Variants in APPBP2 observed in about 807,000 individuals in gnomAD.
The protein encoded by APPBP2 is amyloid beta precursor protein binding protein 2, also known as amyloid protein-binding protein 2.
Under a neutral mutation model 76.0 loss-of-function variants are expected in APPBP2, and 15 were observed. The ratio of observed to expected loss-of-function variants is 0.20; its 90% CI spans 0.13 to 0.30. The LOEUF (loss-of-function observed/expected upper bound fraction) is 0.30, where lower values mean the gene tolerates loss of function less well. APPBP2 is among the 10% of genes least tolerant of loss of function. The pLI, the probability that APPBP2 is intolerant of heterozygous loss-of-function variation, is 1.00. For missense variants in APPBP2, 401 were observed against 687.2 expected, an observed-to-expected ratio of 0.58 and a Z score of 4.66; for synonymous variants, 222 against 242.2, an observed-to-expected ratio of 0.92 and a Z score of 0.77.
intron 4 of APPBP2, among the ~76,000 whole-genome samples, chr17:60,475,931 T>C (rs1201980782): frequency 6.6e-6 from 1 of 152,130 alleles, no homozygotes; most frequent in African/African-American, 2.4e-5. Flanking sequence ...ATGGACTGAT[T>C]AGCTCCAAAG....
intron 4 of APPBP2, among the ~76,000 whole-genome samples, chr17:60,469,051 G>A (rs1314578317): frequency 6.6e-6 from 1 of 152,104 alleles, no homozygotes; most frequent in Non-Finnish European, 1.5e-5. Context: ...TCTTGTAAGT[G>A]TCTTTTTCTT....
intron 4 of APPBP2, among the ~76,000 whole-genome samples, chr17:60,474,538 C>T (rs957984331): frequency 5.3e-5 from 8 of 152,116 alleles, no homozygotes; most frequent in African/African-American, 1.7e-4. Context: ...GACATCAGCA[C>T]TAACTGAAAT....
intron 1 of APPBP2, among the ~76,000 whole-genome samples, chr17:60,512,652 T>A (rs187569849): frequency 6.6e-6 from 1 of 150,932 alleles, no homozygotes; most frequent in East Asian, 2.0e-4. Context: ...CTGGCCAACA[T>A]AGTGAAACCC....
chr17:60,462,892 A>G (rs1301387923), intron 6 of APPBP2, among the ~76,000 whole-genome samples: 1 of 150,102 alleles, frequency 6.7e-6, no homozygotes, highest in Non-Finnish European at 1.5e-5. Flanking sequence ...CGGAGCCTGC[A>G]GTGACCCGAG....
At chr17:60,477,265 G>C (rs1567926871) in intron 4 of APPBP2, among the ~76,000 whole-genome samples, 1 of 152,028 alleles carries the variant, frequency 6.6e-6, no homozygotes, top group African/African-American at 2.4e-5. Flanking sequence ...AATTTATACA[G>C]GAACCTTAAA....
At chr17:60,468,091 T>A (rs1193922129) in intron 4 of APPBP2, among the ~76,000 whole-genome samples, 3 of 152,184 alleles carry the variant, frequency 2.0e-5, no homozygotes, top group Non-Finnish European at 4.4e-5. Flanking sequence ...CTCAATTTGG[T>A]AGCCACTAGC....
intron 1 of APPBP2, among the ~76,000 whole-genome samples, chr17:60,505,020 G>A (rs1280466396): frequency 2.0e-5 from 3 of 152,116 alleles, no homozygotes; most frequent in East Asian, 1.9e-4. Flanking sequence ...TTCCTGAAAC[G>A]TGTAATAAAA....
At chr17:60,525,463 G>C (rs1431641089) in intron 1 of APPBP2, among the ~76,000 whole-genome samples, 1 of 152,190 alleles carries the variant, frequency 6.6e-6, no homozygotes, top group Non-Finnish European at 1.5e-5. Context: ...ATATCCTGAA[G>C]ATACGGGCTA....
rs542068861 is a variant in APPBP2, at chr17:60,448,752, G to C, written c.1505-918C>G. ...TCTTTTGTGTATGATAGGGAAATAA[G>C]AAAATATTTATCTGTTCATTGTGCA... On this transcript the variant is annotated intron_variant, in intron 12 of 12. Transcript: ENST00000083182. Among the ~76,000 whole-genome samples the C allele has an allele frequency of 5.7e-4, 87 of 152,230 alleles. 1 individual carries two copies. The highest frequency in any genetic ancestry group is 2.0e-3 in the African/African-American group (85 of 41,544).
At chr17:60,472,697 A>G (rs1331170465) in intron 4 of APPBP2, among the ~76,000 whole-genome samples, 2 of 152,222 alleles carry the variant, frequency 1.3e-5, no homozygotes, top group Admixed American at 6.5e-5. Flanking sequence ...TAGCCAAAGA[A>G]ATGACTGGTA....
At chr17:60,482,322 C>T (rs2090636272) in intron 3 of APPBP2, among the ~76,000 whole-genome samples, 1 of 149,942 alleles carries the variant, frequency 6.7e-6, no homozygotes, top group South Asian at 2.1e-4. Context: ...TTTAATTTTC[C>T]CTTTGAATAG....
chr17:60,475,290 C>T (rs1480251554), intron 4 of APPBP2, among the ~76,000 whole-genome samples: 1 of 152,018 alleles, frequency 6.6e-6, no homozygotes, highest in East Asian at 1.9e-4. Context: ...CATAACATAA[C>T]ATGATAGTTT....
intron 9 of APPBP2, among the ~76,000 whole-genome samples, chr17:60,456,620 T>G (rs981300243): frequency 2.0e-5 from 3 of 152,154 alleles, no homozygotes; most frequent in African/African-American, 7.2e-5. Context: ...TACAAGATTC[T>G]ACATGATCTT....
intron 3 of APPBP2, among the ~76,000 whole-genome samples, chr17:60,491,059 G>C (rs537671479): frequency 2.6e-5 from 4 of 152,128 alleles, no homozygotes; most frequent in Admixed American, 6.6e-5. Flanking sequence ...CTGGGTAACA[G>C]GCAAAGTTTG....
In APPBP2 at chr17:60,526,204, T is replaced by C; in HGVS notation, c.-273A>G. 1 of 440,564 alleles carries C rather than the reference T, an allele frequency of 2.3e-6. No homozygotes were observed. Among genetic ancestry groups the C allele is most frequent in the Non-Finnish European group, 4.2e-6 (1 of 236,312 alleles). 27.3% of individuals were successfully genotyped at this position (440,564 alleles called of 1,614,324 possible). A position where few individuals can be genotyped will look rare whatever the true frequency, so the allele number is the denominator to read the frequency against. On this transcript the variant is annotated 5_prime_UTR_variant, in exon 1 of 13. Coordinates refer to ENST00000083182, the MANE Select transcript of APPBP2 (RefSeq NM_006380.5). ...CGGTTCGAGAGGAACCCGGGTTCCG[T>C]CCCAGCGCTGATCTCTGCAGGGGCG...
intron 1 of APPBP2, among the ~76,000 whole-genome samples, chr17:60,518,096 C>T (rs1294667937): frequency 1.4e-5 from 2 of 139,964 alleles, no homozygotes; most frequent in Non-Finnish European, 1.5e-5. Flanking sequence ...GAGACAGTCT[C>T]ATCCTGTCTG....
intron 4 of APPBP2, among the ~76,000 whole-genome samples, chr17:60,475,648 TACAC>T (rs72415327): frequency 0.022 from 2,864 of 129,206 alleles, 56 homozygotes; most frequent in African/African-American, 0.061. Flanking sequence ...CAACTCTTTA[TACAC>T]ACACACACAC....
chr17:60,501,510 C>T (rs1233003878), intron 1 of APPBP2, among the ~76,000 whole-genome samples: 2 of 152,092 alleles, frequency 1.3e-5, no homozygotes. Context: ...AATCCTCCCA[C>T]CTCAGCATCC....
chr17:60,496,368 G>A (rs2090775663), intron 2 of APPBP2: 1 of 152,138 alleles, frequency 6.6e-6, no homozygotes, highest in South Asian at 2.1e-4. Flanking sequence ...GGAAAAAAAG[G>A]TCAAATTACA....
Sources: gnomAD v4.1 joint callset for allele counts (sites outside exome capture counted in the v4.1 genomes callset) on GRCh38, gnomAD v4.1.1 for gene constraint, MANE v1.5 for transcripts, NCBI Gene and HGNC (gene_info 2026-07-23, HGNC 2026-07-21) for gene names.